The following SRPK2 variants were observed in gnomAD, a reference collection of about 807,000 sequenced individuals.
SRPK2 encodes SRSF protein kinase 2.
SRPK2 carries 21 observed loss-of-function variants against 90.8 expected under a neutral mutation model. The observed-to-expected ratio is 0.23, with a 90% CI of 0.16 to 0.33. The LOEUF is 0.33. Ranked by LOEUF, SRPK2 falls within the 10% of genes least tolerant of loss-of-function variation. SRPK2 has a pLI of 1.00. For synonymous variants in SRPK2, 288 were observed against 311.1 expected (o/e 0.93, Z 0.78); for missense variants, 620 against 869.0 (o/e 0.71, Z 3.60).
intron 3 of SRPK2, among the ~76,000 whole-genome samples, chr7:105,195,699 A>T (rs190590274): frequency 6.6e-6 from 1 of 152,214 alleles, no homozygotes; most frequent in South Asian, 2.1e-4. Context: ...TCAGTTTTTT[A>T]TAACATCTTT....
intron 2 of SRPK2, among the ~76,000 whole-genome samples, chr7:105,284,963 A>G (rs1236410718): frequency 6.6e-6 from 1 of 152,212 alleles, no homozygotes. Context: ...GGTCTTAAAC[A>G]CAGCAAGGAC....
chr7:105,301,286 CA>C (rs35944611), intron 2 of SRPK2, among the ~76,000 whole-genome samples: 99,415 of 123,720 alleles, frequency 0.8, 39,242 homozygotes, highest in Non-Finnish European at 0.85. Flanking sequence ...ACTAAAAATA[CA>C]AAAAAAAAAA....
intron 2 of SRPK2, among the ~76,000 whole-genome samples, chr7:105,261,236 A>G (rs1804232170): frequency 6.6e-6 from 1 of 152,176 alleles, no homozygotes; most frequent in South Asian, 2.1e-4. Context: ...TGACAGAAAA[A>G]TCTGGCCGGG....
intron 2 of SRPK2, among the ~76,000 whole-genome samples, chr7:105,272,997 G>A (rs186956186): frequency 3.3e-5 from 5 of 152,008 alleles, no homozygotes; most frequent in East Asian, 1.9e-4. Context: ...GGCAAATCAC[G>A]AAGGTCAGGA....
chr7:105,308,068 G>C (rs902884900), intron 2 of SRPK2, among the ~76,000 whole-genome samples: 8 of 152,180 alleles, frequency 5.3e-5, no homozygotes, highest in African/African-American at 1.4e-4. Flanking sequence ...TACTACTATA[G>C]TTATGGGTTC....
chr7:105,191,430 G>C (rs1794266032), intron 3 of SRPK2, among the ~76,000 whole-genome samples: 1 of 152,078 alleles, frequency 6.6e-6, no homozygotes. Flanking sequence ...CATCAGCCAG[G>C]CATGGTGATG....
chr7:105,252,795 C>A (rs1802664216), intron 2 of SRPK2, among the ~76,000 whole-genome samples: 1 of 150,122 alleles, frequency 6.7e-6, no homozygotes, highest in African/African-American at 2.5e-5. Context: ...CAGGCTGGAG[C>A]CCAGTAGTGT....
intron 2 of SRPK2, among the ~76,000 whole-genome samples, chr7:105,310,863 G>A (rs1342366093): frequency 6.6e-6 from 1 of 151,976 alleles, no homozygotes; most frequent in Non-Finnish European, 1.5e-5. Context: ...GAATGAAATG[G>A]AGCATTAAAA....
rs1418234164 is a variant in SRPK2, at chr7:105,320,507, C to A, written c.71+68141G>T. 2.0e-5 allele frequency among the ~76,000 whole-genome samples: 3 copies of A among 152,160 alleles called. No homozygotes were observed. The South Asian group carries it at 6.2e-4, about 32-fold the overall frequency. The stretch of plus-strand genomic sequence containing the variant: ...ATTTTCAGAAACAGCAACCAGTAAG[C>A]TCATTTCCACAGTACTCAAAACCAA... On this transcript the variant is annotated intron_variant, in intron 2 of 15. Coordinates refer to ENST00000393651, the MANE Select transcript of SRPK2 (RefSeq NM_182692.3).
chr7:105,337,013 G>T (rs942066460), intron 2 of SRPK2, among the ~76,000 whole-genome samples: 2 of 152,002 alleles, frequency 1.3e-5, no homozygotes, highest in African/African-American at 2.4e-5. Context: ...TGTTGGCCAG[G>T]CTAGTCTCGA....
At chr7:105,192,429 T>G (rs1794410984) in intron 3 of SRPK2, among the ~76,000 whole-genome samples, 1 of 152,228 alleles carries the variant, frequency 6.6e-6, no homozygotes, top group Non-Finnish European at 1.5e-5. Flanking sequence ...CACCACAGTT[T>G]CTTTATCCAC....
At chr7:105,270,593 G>A (rs1206334703) in intron 2 of SRPK2, among the ~76,000 whole-genome samples, 1 of 152,014 alleles carries the variant, frequency 6.6e-6, no homozygotes, top group Non-Finnish European at 1.5e-5. Context: ...CTTTTTAGTA[G>A]AGACAGGGTT....
chr7:105,395,539 G>A (rs544576669), intron 1 of SRPK2, among the ~76,000 whole-genome samples: 4 of 152,114 alleles, frequency 2.6e-5, no homozygotes, highest in African/African-American at 4.8e-5. Context: ...AGATCAGCCC[G>A]GACAACATGG....
intron 2 of SRPK2, among the ~76,000 whole-genome samples, chr7:105,280,361 G>C (rs947996773): frequency 3.3e-5 from 5 of 151,554 alleles, no homozygotes; most frequent in Non-Finnish European, 7.4e-5. Flanking sequence ...GTTGCAGTGA[G>C]AGCGAAGACT....
intron 2 of SRPK2, among the ~76,000 whole-genome samples, chr7:105,299,883 G>T (rs1023221379): frequency 6.6e-6 from 1 of 152,002 alleles, no homozygotes; most frequent in Non-Finnish European, 1.5e-5. Flanking sequence ...GACAGAGAGA[G>T]ACTCCATCTC....
At chr7:105,216,609 C>A (rs1376659444) in intron 2 of SRPK2, among the ~76,000 whole-genome samples, 1 of 149,580 alleles carries the variant, frequency 6.7e-6, no homozygotes, top group Non-Finnish European at 1.5e-5. Context: ...GAGCCGAGAT[C>A]GCACCACTGT....
Position 105,179,298 on chromosome 7 carries a change from C to A in SRPK2, c.230-10033G>T, listed in dbSNP as rs184532410. ...GTCAGCACTTGCCCCAGCTACCTCA[C>A]TCAAAACTATACCTGGGTATATATT... On this transcript the variant is annotated intron_variant, in intron 3 of 15. Coordinates refer to ENST00000393651, the MANE Select transcript of SRPK2 (RefSeq NM_182692.3). 4.9e-4 allele frequency among the ~76,000 whole-genome samples: 75 copies of A among 152,312 alleles called. 1 individual carries two copies. The highest frequency in any genetic ancestry group is 1.8e-3 in the African/African-American group (74 of 41,568).
intron 2 of SRPK2, among the ~76,000 whole-genome samples, chr7:105,266,226 A>T (rs1376098059): frequency 6.6e-6 from 1 of 151,220 alleles, no homozygotes; most frequent in African/African-American, 2.4e-5. Context: ...GACTCTTAAG[A>T]TTCTACAAAA....
At chr7:105,294,977 G>A (rs183222473) in intron 2 of SRPK2, among the ~76,000 whole-genome samples, 75 of 152,210 alleles carry the variant, frequency 4.9e-4, no homozygotes, top group African/African-American at 1.7e-3. Flanking sequence ...TTGGGAAACC[G>A]AGGCAGGTGG....
Sources: gnomAD v4.1 joint callset for allele counts (sites outside exome capture counted in the v4.1 genomes callset) on GRCh38, gnomAD v4.1.1 for gene constraint, MANE v1.5 for transcripts, NCBI Gene and HGNC (gene_info 2026-07-23, HGNC 2026-07-21) for gene names.